The following MEOX2 variants were observed in gnomAD, a reference collection of about 807,000 sequenced individuals.
MEOX2 encodes the protein mesenchyme homeobox 2.
In MEOX2, 11 loss-of-function variants were observed where a neutral mutation model predicts 27.0. That is an observed-to-expected ratio of 0.41 (90% CI 0.26 to 0.68). MEOX2 has a LOEUF of 0.68. Among genes scored for constraint, MEOX2 ranks in the 30% least tolerant of loss-of-function variants. MEOX2 has a pLI of 0.33. For synonymous variants in MEOX2, 189 were observed against 155.4 expected (o/e 1.22, Z -1.61); for missense variants, 436 against 385.4 (o/e 1.13, Z -1.10).
intron 2 of MEOX2, among the ~76,000 whole-genome samples, chr7:15,616,193 T>C (rs1001001445): frequency 1.3e-5 from 2 of 151,816 alleles, no homozygotes; most frequent in Non-Finnish European, 3.0e-5. Flanking sequence ...CCTTATATAC[T>C]ATTTTATTTA....
intron 1 of MEOX2, among the ~76,000 whole-genome samples, chr7:15,635,466 TA>T (rs753766924): frequency 1.1e-4 from 16 of 152,116 alleles, no homozygotes; most frequent in East Asian, 7.7e-4. Flanking sequence ...ATTCAACCCC[TA>T]TTGTCTCCCC....
At chr7:15,664,235 G>C (rs1274913580) in intron 1 of MEOX2, among the ~76,000 whole-genome samples, 1 of 152,102 alleles carries the variant, frequency 6.6e-6, no homozygotes, top group African/African-American at 2.4e-5. Flanking sequence ...TTAATTTTGG[G>C]ATATGCTTTT....
intron 1 of MEOX2, among the ~76,000 whole-genome samples, chr7:15,651,327 G>C (rs1781729896): frequency 6.6e-6 from 1 of 151,804 alleles, no homozygotes; most frequent in Non-Finnish European, 1.5e-5. Context: ...CGCATTGTAG[G>C]TATTGAATAA....
chr7:15,629,511 C>G (rs544292218), intron 1 of MEOX2, among the ~76,000 whole-genome samples: 8 of 152,160 alleles, frequency 5.3e-5, no homozygotes, highest in African/African-American at 1.9e-4. Context: ...ATATTTATAA[C>G]CACACAAAGA....
At chr7:15,671,813 T>C (rs1782101364) in intron 1 of MEOX2, among the ~76,000 whole-genome samples, 6 of 152,152 alleles carry the variant, frequency 3.9e-5, no homozygotes, top group Admixed American at 3.3e-4. Flanking sequence ...TCCCAGTGCT[T>C]TGGGAGACCA....
intron 1 of MEOX2, among the ~76,000 whole-genome samples, chr7:15,646,410 T>A (rs1467102041): frequency 1.3e-5 from 2 of 152,054 alleles, no homozygotes; most frequent in Non-Finnish European, 2.9e-5. Flanking sequence ...ACACAGCTAC[T>A]TCTTCCTGCT....
chr7:15,641,210 T>A (rs1781555185), intron 1 of MEOX2, among the ~76,000 whole-genome samples: 1 of 152,212 alleles, frequency 6.6e-6, no homozygotes, highest in South Asian at 2.1e-4. Flanking sequence ...TCATTATTTG[T>A]CTGTTCAGAA....
chr7:15,674,556 C>CTG (rs55995772), intron 1 of MEOX2, among the ~76,000 whole-genome samples: 5,348 of 135,518 alleles, frequency 0.039, 139 homozygotes, highest in East Asian at 0.092. Flanking sequence ...ATAAAAGATT[C>CTG]TGTGTGTGTG....
Position 15,685,871 on chromosome 7 carries a change from C to G in MEOX2, c.517+15G>C. 6.4e-7 allele frequency: 1 copy of G among 1,570,432 alleles called. No homozygotes were observed. The highest frequency in any genetic ancestry group is 1.4e-5 in the African/African-American group (1 of 73,816). On this transcript the variant is annotated intron_variant, in intron 1 of 2. Transcript: ENST00000262041. The stretch of plus-strand genomic sequence containing the variant: ...GCCCGGCGCGCACTCTCGAGGGTGC[C>G]TGGCGCGCCCTTACCTGAGCTGTCG...
intron 1 of MEOX2, among the ~76,000 whole-genome samples, chr7:15,645,683 C>T (rs1278561729): frequency 1.3e-5 from 2 of 152,112 alleles, no homozygotes; most frequent in Non-Finnish European, 2.9e-5. Flanking sequence ...AAGAAAGAAG[C>T]ATTTCTCAAG....
At chr7:15,643,275 G>C (rs575998873) in intron 1 of MEOX2, among the ~76,000 whole-genome samples, 2 of 152,272 alleles carry the variant, frequency 1.3e-5, no homozygotes, top group South Asian at 4.1e-4. Flanking sequence ...GAAGGGTGGG[G>C]CTGGGGCTCC....
At chr7:15,678,643 C>T (rs1245156092) in intron 1 of MEOX2, among the ~76,000 whole-genome samples, 2 of 152,178 alleles carry the variant, frequency 1.3e-5, no homozygotes, top group Admixed American at 6.5e-5. Context: ...GGACAAGCTA[C>T]CTCAACAGAC....
intron 1 of MEOX2, among the ~76,000 whole-genome samples, chr7:15,651,221 A>G (rs1202662204): frequency 6.6e-6 from 1 of 152,038 alleles, no homozygotes; most frequent in Non-Finnish European, 1.5e-5. Flanking sequence ...AATGTGATAT[A>G]CTTTCCCTCA....
At chr7:15,637,486 G>A (rs748639740) in intron 1 of MEOX2, among the ~76,000 whole-genome samples, 1 of 151,588 alleles carries the variant, frequency 6.6e-6, no homozygotes, top group Non-Finnish European at 1.5e-5. Flanking sequence ...AAAAGAGGAT[G>A]TGCTTACTCC....
In MEOX2 at chr7:15,686,553, G is replaced by A; in HGVS notation, c.-151C>T. 1 of 714,272 alleles carries A rather than the reference G, an allele frequency of 1.4e-6. No homozygotes were observed. The highest frequency in any genetic ancestry group is 2.3e-6 in the Non-Finnish European group (1 of 438,602). 44.2% of individuals were successfully genotyped at this position (714,272 alleles called of 1,614,324 possible). On this transcript the variant is annotated 5_prime_UTR_variant, in exon 1 of 3. Transcript: ENST00000262041. ...CTTCTGCAGAGCTCGGATAATCCCG[G>A]TCCTGAGCCCCAGCGGCCAGTCTCC...
chr7:15,661,288 A>G (rs1379621079), intron 1 of MEOX2, among the ~76,000 whole-genome samples: 1 of 152,082 alleles, frequency 6.6e-6, no homozygotes, highest in Non-Finnish European at 1.5e-5. Context: ...ATAATAAACT[A>G]AGAACCGTAT....
chr7:15,658,400 T>C (rs1781858479), intron 1 of MEOX2, among the ~76,000 whole-genome samples: 1 of 152,206 alleles, frequency 6.6e-6, no homozygotes, highest in Non-Finnish European at 1.5e-5. Flanking sequence ...TGTCTTAAAT[T>C]GTTATGCTTT....
intron 1 of MEOX2, among the ~76,000 whole-genome samples, chr7:15,628,862 C>A (rs183030253): frequency 6.6e-6 from 1 of 152,214 alleles, no homozygotes; most frequent in Admixed American, 6.6e-5. Flanking sequence ...GCTGTTCTTG[C>A]AGCCTGCAAA....
chr7:15,632,117 T>C (rs1168882773), intron 1 of MEOX2, among the ~76,000 whole-genome samples: 2 of 151,856 alleles, frequency 1.3e-5, no homozygotes, highest in Non-Finnish European at 2.9e-5. Context: ...TTCCTTGAAG[T>C]AGGTAATAAA....
Sources: gnomAD v4.1 joint callset for allele counts (sites outside exome capture counted in the v4.1 genomes callset) on GRCh38, gnomAD v4.1.1 for gene constraint, MANE v1.5 for transcripts, NCBI Gene and HGNC (gene_info 2026-07-23, HGNC 2026-07-21) for gene names.